PKIB: variants seen among roughly 807,000 people sequenced by gnomAD.
The protein encoded by PKIB is cAMP-dependent protein kinase inhibitor beta.
In PKIB, 2 loss-of-function variants were observed where a neutral mutation model predicts 4.5. The ratio of observed to expected loss-of-function variants is 0.44; its 90% confidence interval spans 0.18 to 1.39. The LOEUF is 1.39. Ranked by LOEUF, PKIB falls within the 40% of genes most tolerant of loss-of-function variation. PKIB has a pLI of 0.27. For synonymous variants in PKIB, 38 were observed against 36.0 expected (o/e 1.06, Z -0.20); for missense variants, 94 against 92.6 (o/e 1.02, Z -0.06).
chr6:122,603,654 G>A (rs1222811665), intron 3 of PKIB, among the ~76,000 whole-genome samples: 2 of 151,718 alleles, frequency 1.3e-5, no homozygotes, highest in Non-Finnish European at 2.9e-5. Flanking sequence ...CTAATTTATG[G>A]ATTTTTAGTA....
At chr6:122,621,412 G>C (rs1775223077) in intron 1 of PKIB, among the ~76,000 whole-genome samples, 1 of 152,194 alleles carries the variant, frequency 6.6e-6, no homozygotes, top group Non-Finnish European at 1.5e-5. Flanking sequence ...CACAGGATTA[G>C]TGTTGGATAG....
chr6:122,711,428 G>T (rs989721966), intron 3 of PKIB, among the ~76,000 whole-genome samples: 34 of 152,130 alleles, frequency 2.2e-4, no homozygotes, highest in Non-Finnish European at 3.8e-4. Context: ...TGGAAGTCTG[G>T]ACTATATCAT....
chr6:122,517,379 A>G (rs558589323), intron 2 of PKIB, among the ~76,000 whole-genome samples: 65 of 152,346 alleles, frequency 4.3e-4, no homozygotes, highest in Admixed American at 9.2e-4. Context: ...TAAATATTAA[A>G]CAAATATTCC....
At chr6:122,496,164 C>T (rs1345428124) in intron 2 of PKIB, among the ~76,000 whole-genome samples, 1 of 152,136 alleles carries the variant, frequency 6.6e-6, no homozygotes, top group Admixed American at 6.5e-5. Context: ...GTGCTCTTAC[C>T]TGCAAGTGCT....
intron 2 of PKIB, among the ~76,000 whole-genome samples, chr6:122,518,371 A>G (rs1334266311): frequency 1.3e-5 from 2 of 152,082 alleles, no homozygotes; most frequent in Non-Finnish European, 2.9e-5. Flanking sequence ...TAAACACTAC[A>G]TTAAGTCTTT....
chr6:122,647,806 T>C (rs1055507420), intron 2 of PKIB, among the ~76,000 whole-genome samples: 4 of 152,234 alleles, frequency 2.6e-5, no homozygotes, highest in African/African-American at 7.2e-5. Flanking sequence ...TATTTATGAT[T>C]CCCTTCTTCC....
chr6:122,517,111 G>T (rs1317749312), intron 2 of PKIB, among the ~76,000 whole-genome samples: 1 of 151,972 alleles, frequency 6.6e-6, no homozygotes. Flanking sequence ...CTGTTTTTTT[G>T]TTGTTGTTCA....
intron 2 of PKIB, among the ~76,000 whole-genome samples, chr6:122,550,252 A>G (rs920586756): frequency 2.0e-5 from 3 of 152,094 alleles, no homozygotes; most frequent in African/African-American, 7.2e-5. Flanking sequence ...GCTAATATGA[A>G]ATATGTCTAA....
intron 2 of PKIB, among the ~76,000 whole-genome samples, chr6:122,582,249 T>C (rs1455204034): frequency 6.6e-6 from 1 of 151,962 alleles, no homozygotes; most frequent in Non-Finnish European, 1.5e-5. Flanking sequence ...GTAGCTATTC[T>C]TCACCAAGCA....
At position 122,551,991 on chromosome 6, in the gene PKIB, G is replaced by T. The variant is rs139304469; in HGVS notation, c.-247-33930G>T. Among the ~76,000 whole-genome samples the T allele has an allele frequency of 2.2e-3, 326 of 149,266 alleles. 1 individual carries two copies. Among genetic ancestry groups the T allele is most frequent in the African/African-American group, 7.9e-3 (319 of 40,468 alleles). The stretch of plus-strand genomic sequence containing the variant: ...TTCTAGAGATGGTGCCAGTTCCTGA[G>T]CCTTCTGTGCATTCTCGATGTCATG... On this transcript the variant is annotated intron_variant, in intron 2 of 6. Transcript: ENST00000392491.
chr6:122,627,255 AAG>A (rs1491006733), intron 1 of PKIB, among the ~76,000 whole-genome samples: 1 of 151,688 alleles, frequency 6.6e-6, no homozygotes, highest in Non-Finnish European at 1.5e-5. Flanking sequence ...AAAAAAAAAA[AAG>A]AAAAAAAAAT....
chr6:122,708,512 T>C (rs910933134), intron 3 of PKIB, among the ~76,000 whole-genome samples: 1 of 152,146 alleles, frequency 6.6e-6, no homozygotes, highest in Admixed American at 6.5e-5. Flanking sequence ...CTGTGACTGG[T>C]GACTTGTATG....
At chr6:122,676,716 A>T (rs533449301) in intron 3 of PKIB, among the ~76,000 whole-genome samples, 17 of 152,344 alleles carry the variant, frequency 1.1e-4, no homozygotes, top group African/African-American at 3.8e-4. Flanking sequence ...ACTGACCAAC[A>T]GGAACTGAGA....
intron 2 of PKIB, among the ~76,000 whole-genome samples, chr6:122,520,556 A>G (rs1404450149): frequency 6.6e-6 from 1 of 152,102 alleles, no homozygotes; most frequent in Admixed American, 6.5e-5. Context: ...TGTTTTTCTC[A>G]TCTGGCTTAT....
At chr6:122,504,889 C>T (rs965284695) in intron 2 of PKIB, among the ~76,000 whole-genome samples, 24 of 152,010 alleles carry the variant, frequency 1.6e-4, no homozygotes, top group East Asian at 3.9e-4. Context: ...ATCCGAAGTC[C>T]GGTGGTAACA....
intron 3 of PKIB, among the ~76,000 whole-genome samples, chr6:122,675,984 G>A (rs957648628): frequency 7.2e-6 from 1 of 139,174 alleles, no homozygotes; most frequent in Non-Finnish European, 1.6e-5. Flanking sequence ...ACTTGGGGTT[G>A]GAGGGGATAA....
chr6:122,485,062 T>C (rs1377413839), intron 2 of PKIB, among the ~76,000 whole-genome samples: 1 of 152,218 alleles, frequency 6.6e-6, no homozygotes, highest in African/African-American at 2.4e-5. Flanking sequence ...TCCCTTTTTT[T>C]GGCCTATAAA....
chr6:122,607,492 T>C (rs1483874695), upstream of PKIB, among the ~76,000 whole-genome samples: 1 of 152,150 alleles, frequency 6.6e-6, no homozygotes, highest in African/African-American at 2.4e-5. Context: ...CACTCCAGCC[T>C]GGGTGAGAGA....
chr6:122,649,934 A>T (rs977917832), intron 2 of PKIB, among the ~76,000 whole-genome samples: 3 of 152,178 alleles, frequency 2.0e-5, no homozygotes, highest in African/African-American at 4.8e-5. Flanking sequence ...CTGATGAATC[A>T]TATGTTCCAA....
Sources: allele counts gnomAD v4.1 joint callset (sites outside exome capture counted in the v4.1 genomes callset), GRCh38; gene constraint gnomAD v4.1.1; transcripts MANE v1.5; gene names NCBI Gene and HGNC (gene_info 2026-07-23, HGNC 2026-07-21).